The following FBXL2 variants were observed in gnomAD, a reference collection of about 807,000 sequenced individuals.
FBXL2 encodes the protein F-box/LRR-repeat protein 2.
A neutral mutation model predicts 69.2 loss-of-function variants in FBXL2; 38 were observed. The observed-to-expected ratio is 0.55, with a 90% CI of 0.42 to 0.72. The LOEUF is 0.72. Among genes scored for constraint, FBXL2 ranks in the 30% least tolerant of loss-of-function variants. FBXL2 has a pLI of 0.00. For synonymous variants in FBXL2, 192 were observed against 201.3 expected (o/e 0.95, Z 0.39); for missense variants, 354 against 520.3 (o/e 0.68, Z 3.11).
intron 10 of FBXL2, 94 bp from the exon 11 acceptor site, chr3:33,377,179 G>C: frequency 8.3e-7 from 1 of 1,206,978 alleles, no homozygotes; most frequent in East Asian, 2.3e-5. Flanking sequence ...GCATGTCAAA[G>C]AGCAGAAAAG....
At chr3:33,393,619 T>C (rs1473804203) in intron 12 of FBXL2, among the ~76,000 whole-genome samples, 1 of 152,210 alleles carries the variant, frequency 6.6e-6, no homozygotes, top group Admixed American at 6.5e-5. Context: ...TCTTACTACC[T>C]TGAAATCTTG....
chr3:33,330,898 AACACACAC>A (rs749700726), intron 2 of FBXL2, among the ~76,000 whole-genome samples: 16 of 148,416 alleles, frequency 1.1e-4, no homozygotes, highest in Admixed American at 5.5e-4. Flanking sequence ...CACACACACA[AACACACAC>A]ACACACAAAC....
chr3:33,389,485 G>C (rs1310646805), downstream of FBXL2: 1 of 149,604 alleles, frequency 6.7e-6, no homozygotes, highest in African/African-American at 2.5e-5. Flanking sequence ...GGGGGGTTAG[G>C]GTGGGGGTGG....
chr3:33,310,214 C>T (rs1383959056), intron 2 of FBXL2, among the ~76,000 whole-genome samples: 2 of 151,870 alleles, frequency 1.3e-5, no homozygotes, highest in Non-Finnish European at 2.9e-5. Context: ...TGCAGTGGTG[C>T]GATCTCAGCT....
chr3:33,339,764 C>G (rs955410746), intron 2 of FBXL2, among the ~76,000 whole-genome samples: 1 of 152,190 alleles, frequency 6.6e-6, no homozygotes, highest in African/African-American at 2.4e-5. Flanking sequence ...TTTAGTCTAA[C>G]AGTTTCTTCC....
At chr3:33,381,343 T>C (rs1345243763) in intron 13 of FBXL2, among the ~76,000 whole-genome samples, 3 of 152,152 alleles carry the variant, frequency 2.0e-5, no homozygotes, top group African/African-American at 7.2e-5. Context: ...TGTGAATCCA[T>C]ATGTAAATAA....
At chr3:33,400,390 G>T in intron 12 of FBXL2, 1 of 766,648 alleles carries the variant, frequency 1.3e-6, no homozygotes, top group Non-Finnish European at 2.0e-6. Flanking sequence ...CCCAAAAAGA[G>T]CATGAGTCTG....
At chr3:33,316,717 G>C (rs916923446) in intron 2 of FBXL2, among the ~76,000 whole-genome samples, 8 of 152,126 alleles carry the variant, frequency 5.3e-5, no homozygotes, top group African/African-American at 1.9e-4. Flanking sequence ...CCTGTATTTT[G>C]AGGTTTGTGG....
chr3:33,396,474 A>C, intron 12 of FBXL2: 1 of 507,536 alleles, frequency 2.0e-6, no homozygotes, highest in Non-Finnish European at 3.5e-6. Flanking sequence ...GTGGTCTAAT[A>C]TGATGATCCA....
chr3:33,351,766 A>G (rs867549192), intron 2 of FBXL2, among the ~76,000 whole-genome samples: 1 of 152,186 alleles, frequency 6.6e-6, no homozygotes, highest in African/African-American at 2.4e-5. Flanking sequence ...CCATAAATGT[A>G]TCATTTAGTC....
At chr3:33,389,511 G>GA (rs1053875908), downstream of FBXL2, 7 of 151,944 alleles carry the variant, frequency 4.6e-5, no homozygotes, top group Non-Finnish European at 1.0e-4. Context: ...GATGGAGGGA[G>GA]AGAGGGAAGA....
chr3:33,317,699 C>A, intron 2 of FBXL2: 1 of 329,396 alleles, frequency 3.0e-6, no homozygotes, highest in Non-Finnish European at 6.0e-6. Context: ...ACTTTTAACT[C>A]CAGCCTCAGA....
chr3:33,328,289 T>C (rs1019020257), intron 2 of FBXL2, among the ~76,000 whole-genome samples: 1 of 152,208 alleles, frequency 6.6e-6, no homozygotes, highest in African/African-American at 2.4e-5. Context: ...AAGCAATTTA[T>C]AGATTCAATG....
chr3:33,392,963 T>G (rs905504639), downstream of FBXL2: 1 of 313,768 alleles, frequency 3.2e-6, no homozygotes, highest in Non-Finnish European at 5.8e-6. Flanking sequence ...ATATCTTACA[T>G]GTTTTTTTAA....
chr3:33,359,430 A>C, intron 4 of FBXL2, 73 bp downstream of exon 4: 1 of 980,300 alleles, frequency 1.0e-6, no homozygotes. Flanking sequence ...CTGACTTTTT[A>C]TTTTACTGCA....
chr3:33,410,605 A>G, the FBXL2 span, among the ~76,000 whole-genome samples: 3 of 152,314 alleles, frequency 2.0e-5, no homozygotes, highest in Admixed American at 6.5e-5. Flanking sequence ...CCTTTTCTAT[A>G]TATTACCTAC....
At chr3:33,306,267 A>C (rs899488025) in intron 2 of FBXL2, among the ~76,000 whole-genome samples, 13 of 152,000 alleles carry the variant, frequency 8.6e-5, no homozygotes, top group Non-Finnish European at 1.5e-5. Flanking sequence ...AAAAAGCTTT[A>C]TCATAAAATA....
intron 1 of FBXL2, among the ~76,000 whole-genome samples, chr3:33,280,241 C>G (rs1365468828): frequency 6.6e-6 from 1 of 152,194 alleles, no homozygotes; most frequent in Non-Finnish European, 1.5e-5. Context: ...TGAGTTTCTC[C>G]TGTCACATCA....
intron 1 of FBXL2, among the ~76,000 whole-genome samples, chr3:33,293,716 A>C (rs2125705672): frequency 6.6e-6 from 1 of 152,258 alleles, no homozygotes; most frequent in Non-Finnish European, 1.5e-5. Flanking sequence ...AAAATAAGCC[A>C]ATTGTTCTGA....
Sources: gnomAD v4.1 joint callset for allele counts (sites outside exome capture counted in the v4.1 genomes callset) on GRCh38, gnomAD v4.1.1 for gene constraint, MANE v1.5 for transcripts, NCBI Gene and HGNC (gene_info 2026-07-23, HGNC 2026-07-21) for gene names.